The following RNF38 variants were observed in gnomAD, a reference collection of about 807,000 sequenced individuals.
RNF38 encodes E3 ubiquitin-protein ligase RNF38.
Under a neutral mutation model 67.2 loss-of-function variants are expected in RNF38, and 15 were observed. The observed-to-expected ratio is 0.22, with a 90% CI of 0.15 to 0.34. RNF38 has a LOEUF of 0.34. RNF38 is among the 10% of genes least tolerant of loss of function. RNF38 has a pLI of 1.00. For missense variants in RNF38, 524 were observed against 639.9 expected, an observed-to-expected ratio of 0.82 and a Z score of 1.95; for synonymous variants, 220 against 218.8, an observed-to-expected ratio of 1.01 and a Z score of -0.05.
At chr9:36,374,884 A>C (rs1835669947) in intron 3 of RNF38, among the ~76,000 whole-genome samples, 1 of 152,132 alleles carries the variant, frequency 6.6e-6, no homozygotes, top group Non-Finnish European at 1.5e-5. Context: ...AAATACAACC[A>C]CACTGAGGGT....
At chr9:36,390,716 A>C in intron 1 of RNF38, 100 bp from the exon 2 acceptor site, 3 of 1,195,278 alleles carry the variant, frequency 2.5e-6, no homozygotes, top group Non-Finnish European at 3.6e-6. Context: ...GTATTTGATG[A>C]TTCTGCTAGC....
chr9:36,344,593 A>C (rs1833082977), intron 10 of RNF38, among the ~76,000 whole-genome samples: 2 of 152,264 alleles, frequency 1.3e-5, no homozygotes, highest in Admixed American at 6.5e-5. Flanking sequence ...GCTATTAGCT[A>C]GTACGACTAA....
At chr9:36,425,341 A>C (rs1838740841) in intron 1 of RNF38, among the ~76,000 whole-genome samples, 1 of 152,242 alleles carries the variant, frequency 6.6e-6, no homozygotes, top group Admixed American at 6.5e-5. Context: ...ATGGTGAGTC[A>C]AAGATCTATG....
chr9:36,427,956 C>G (rs1033717611), intron 1 of RNF38, among the ~76,000 whole-genome samples: 3 of 151,142 alleles, frequency 2.0e-5, no homozygotes, highest in African/African-American at 7.3e-5. Flanking sequence ...GTGATCCGCT[C>G]ACATTGGCCT....
chr9:36,478,173 G>A (rs907165697), intron 1 of RNF38, among the ~76,000 whole-genome samples: 3 of 151,826 alleles, frequency 2.0e-5, no homozygotes, highest in Non-Finnish European at 4.4e-5. Context: ...GGTAGCTCAC[G>A]CCTGTAATCC....
intron 1 of RNF38, among the ~76,000 whole-genome samples, chr9:36,441,075 G>A (rs187023442): frequency 3.3e-5 from 5 of 152,076 alleles, no homozygotes; most frequent in African/African-American, 1.2e-4. Context: ...TGGGAGAGTC[G>A]GGTCCTGGGA....
chr9:36,426,646 G>C (rs1838779456), intron 1 of RNF38, among the ~76,000 whole-genome samples: 4 of 152,234 alleles, frequency 2.6e-5, no homozygotes, highest in Admixed American at 2.0e-4. Flanking sequence ...TGGGTCACTT[G>C]ATCTCTCTAT....
intron 1 of RNF38, among the ~76,000 whole-genome samples, chr9:36,469,597 G>A (rs1452971875): frequency 1.3e-5 from 2 of 152,112 alleles, no homozygotes; most frequent in African/African-American, 4.8e-5. Flanking sequence ...GGAGGTGGAG[G>A]TTGTGGTGAG....
rs549572875 is a variant in RNF38, at chr9:36,410,687, A to G, written n.312+13926T>C. 3.7e-4 allele frequency among the ~76,000 whole-genome samples: 56 copies of G among 152,332 alleles called. 1 individual carries two copies. The South Asian group carries it at 4.1e-3, about 11-fold the overall frequency. On this transcript the variant is annotated intron_variant and non_coding_transcript_variant, in intron 2 of 3. Transcript: ENST00000488058. The stretch of plus-strand genomic sequence containing the variant: ...AAACACCCAACCAGTTTTTGTCTCT[A>G]TCTCTTTTCTTTCAACAACCCTATT...
intron 1 of RNF38, among the ~76,000 whole-genome samples, chr9:36,486,834 G>A (rs992960312): frequency 6.6e-6 from 1 of 152,116 alleles, no homozygotes; most frequent in Non-Finnish European, 1.5e-5. Context: ...GCCCAAAAAG[G>A]GCTGGGTGGG....
chr9:36,449,763 A>G (rs919261421), intron 1 of RNF38, among the ~76,000 whole-genome samples: 1 of 152,124 alleles, frequency 6.6e-6, no homozygotes, highest in African/African-American at 2.4e-5. Context: ...CAACAAACAC[A>G]AAAACATTTG....
chr9:36,364,067 G>T (rs1438127559), intron 4 of RNF38, among the ~76,000 whole-genome samples: 11,749 of 55,864 alleles, frequency 0.21, 1,746 homozygotes, highest in Non-Finnish European at 0.32. Context: ...TGACCTCAAG[G>T]GATCTGCCCA....
intron 9 of RNF38, 87 bp downstream of exon 9, chr9:36,351,028 T>C: frequency 1.1e-6 from 1 of 926,724 alleles, no homozygotes; most frequent in African/African-American, 1.7e-5. Flanking sequence ...GCCAAAAGAT[T>C]GGACACCTGT....
chr9:36,358,204 A>G (rs1044074111), intron 4 of RNF38, among the ~76,000 whole-genome samples: 1 of 152,224 alleles, frequency 6.6e-6, no homozygotes, highest in Non-Finnish European at 1.5e-5. Flanking sequence ...ATGGATTACT[A>G]TATTAACTCT....
At chr9:36,412,286 G>A (rs1838345173) in intron 2 of RNF38, among the ~76,000 whole-genome samples, 1 of 152,112 alleles carries the variant, frequency 6.6e-6, no homozygotes, top group South Asian at 2.1e-4. Flanking sequence ...TTTTGCACTA[G>A]CTGTATTATT....
rs1051400134 is a variant in RNF38, at chr9:36,336,600, C to T, written c.*3152G>A. The T allele has an allele frequency of 1.3e-5, 2 of 152,498 alleles. No individual in the cohort carries two copies. The highest frequency in any genetic ancestry group is 2.4e-5 in the African/African-American group (1 of 41,408). The allele number at this position is 152,498 out of a possible 1,614,324, so 9.4% of individuals were successfully genotyped here. A position where few individuals can be genotyped will look rare whatever the true frequency, so the allele number is the denominator to read the frequency against. ...ATATTTATAATACATACATTTAAAA[C>T]TATATGTTAACTGATACAATGGAAT... On this transcript the variant is annotated 3_prime_UTR_variant, in exon 12 of 12. Coordinates refer to ENST00000259605, the MANE Select transcript of RNF38 (RefSeq NM_022781.5).
chr9:36,339,797 T>G lies in RNF38; in HGVS notation c.1503A>C (p.Pro501=). ...DKWLKANRTC[P]ICRADASEVH... is the part of the protein sequence containing the mutation. ...CTTCTGAAGCATCAGCTCGGCAAAT[T>G]GGGCAAGTACGATTTGCCTACAAAA... The change falls in exon 12 of 12, where the codon CCA becomes CCC. Residue 501 remains proline, a synonymous_variant. Transcript: ENST00000259605. 6.2e-7 allele frequency: 1 copy of G among 1,613,258 alleles called. No homozygotes were observed. Among genetic ancestry groups the G allele is most frequent in the South Asian group, 1.1e-5 (1 of 90,840 alleles).
At chr9:36,453,122 C>A (rs1233035381) in intron 1 of RNF38, among the ~76,000 whole-genome samples, 2 of 152,146 alleles carry the variant, frequency 1.3e-5, no homozygotes, top group East Asian at 3.8e-4. Context: ...CACCACCAGT[C>A]TGAATGTTCC....
chr9:36,358,436 T>C (rs887384188), intron 4 of RNF38, among the ~76,000 whole-genome samples: 1 of 152,240 alleles, frequency 6.6e-6, no homozygotes, highest in Non-Finnish European at 1.5e-5. Context: ...CCTTCTTCTC[T>C]TTCTCCATGA....
Sources: gnomAD v4.1 joint callset for allele counts (sites outside exome capture counted in the v4.1 genomes callset) on GRCh38, gnomAD v4.1.1 for gene constraint, MANE v1.5 for transcripts, NCBI Gene and HGNC (gene_info 2026-07-23, HGNC 2026-07-21) for gene names.